Variants in SP110 observed in about 807,000 individuals in gnomAD.
SP110 encodes interferon-induced protein 41, 30kD.
A neutral mutation model predicts 92.7 loss-of-function variants in SP110; 62 were observed. That is an observed-to-expected ratio of 0.67 (90% confidence interval 0.55 to 0.83). The LOEUF (loss-of-function observed/expected upper bound fraction) is 0.83, where lower values mean the gene tolerates loss of function less well. Ranked by LOEUF, SP110 falls within the 40% of genes least tolerant of loss-of-function variation. The pLI, the probability that SP110 is intolerant of heterozygous loss-of-function variation, is 0.00. For missense variants in SP110, 793 were observed against 863.9 expected, an observed-to-expected ratio of 0.92 and a Z score of 1.03; for synonymous variants, 273 against 305.3, an observed-to-expected ratio of 0.89 and a Z score of 1.10.
At chr2:230,202,870 C>T (rs2043320123) in intron 8 of SP110, 142 bp from the exon 9 acceptor site, 4 of 786,256 alleles carry the variant, frequency 5.1e-6, no homozygotes, top group Non-Finnish European at 8.9e-6. Flanking sequence ...CTTTTCTCCT[C>T]CTACTTCTCT....
At chr2:230,225,571 T>G in exon 1 of SP110, 1 of 526,368 alleles carries the variant, frequency 1.9e-6, no homozygotes, top group Non-Finnish European at 3.4e-6. Flanking sequence ...TTGAATGACT[T>G]TTCCACCCTC....
At chr2:230,207,023 G>C (rs974563756) in intron 8 of SP110, among the ~76,000 whole-genome samples, 1 of 152,202 alleles carries the variant, frequency 6.6e-6, no homozygotes, top group East Asian at 1.9e-4. Flanking sequence ...ACATCTTTAG[G>C]TTGTAAAAGC....
chr2:230,185,881 G>T, intron 11 of SP110, 113 bp downstream of exon 11: 1 of 932,164 alleles, frequency 1.1e-6, no homozygotes, highest in Non-Finnish European at 1.8e-6. Flanking sequence ...CCTCTTTTCT[G>T]TACGTCTCCC....
upstream of SP110, among the ~76,000 whole-genome samples, chr2:230,224,148 G>A (rs1483503152): frequency 6.6e-6 from 1 of 152,220 alleles, no homozygotes; most frequent in African/African-American, 2.4e-5. Flanking sequence ...TCTAGTAGTA[G>A]CAGCAGTACC....
intron 8 of SP110, among the ~76,000 whole-genome samples, chr2:230,206,054 T>C (rs2043762869): frequency 6.6e-6 from 1 of 152,168 alleles, no homozygotes; most frequent in Admixed American, 6.5e-5. Flanking sequence ...TTTCTTAGAA[T>C]GGAATCATTT....
At chr2:230,195,388 G>A (rs1223234741) in intron 10 of SP110, among the ~76,000 whole-genome samples, 3 of 152,116 alleles carry the variant, frequency 2.0e-5, no homozygotes, top group African/African-American at 4.8e-5. Flanking sequence ...AGGCTGGAGT[G>A]CAGTGGCATA....
rs200056752 is a variant in SP110, at chr2:230,177,575, A to G, written c.1553T>C (p.Ile518Thr). The G allele has an allele frequency of 2.2e-5, 36 of 1,613,990 alleles. No homozygotes were observed. The highest frequency in any genetic ancestry group is 8.9e-5 in the East Asian group (4 of 44,900). Reference sequence around the variant, plus strand: ...TCCTAGGGTCATTCCTTCACAACGTATATTCCGTTTCCAGTTCTTTGCGTT... The same window carrying G: ...TCCTAGGGTCATTCCTTCACAACGTGTATTCCGTTTCCAGTTCTTTGCGTT... ...GRNAKNWKRNIRCEGMTLGEL... is the reference protein window; with the variant it reads ...GRNAKNWKRNTRCEGMTLGEL... Residue 518 changes from isoleucine (I) to threonine (T), a missense_variant, in exon 14 of 19, where the codon ATA (isoleucine) becomes ACA (threonine). Physicochemically the swap from Ile to Thr is moderately conservative, Grantham distance 89. Transcript: ENST00000258381.
chr2:230,171,623 C>T (rs796813279), intron 17 of SP110, 73 bp downstream of exon 17: 2 of 1,132,566 alleles, frequency 1.8e-6, no homozygotes, highest in East Asian at 2.3e-5. Context: ...GAGCAAACTG[C>T]AGCACCTGCC....
intron 14 of SP110, 127 bp from the exon 15 acceptor site, chr2:230,173,086 G>C (rs1417879585): frequency 5.7e-6 from 4 of 697,044 alleles, no homozygotes; most frequent in African/African-American, 1.8e-5. Context: ...TTTTTGATGG[G>C]GGGAGCTGAT....
chr2:230,188,509 A>G (rs1302414998), intron 10 of SP110, among the ~76,000 whole-genome samples: 1 of 152,066 alleles, frequency 6.6e-6, no homozygotes, highest in East Asian at 1.9e-4. Context: ...TCTGGCTAGG[A>G]CTTCTAGTAC....
chr2:230,166,042 C>T lies in SP110; in HGVS notation c.*3082G>A, dbSNP rs965863329. ...TTGAGTAGCTGGGACTACAGGCGCC[C>T]GCCACCACGCCTGGCTAATTTTTGT... On this transcript the variant is annotated 3_prime_UTR_variant, in exon 19 of 19. Transcript: ENST00000258381. 3.3e-5 allele frequency among the ~76,000 whole-genome samples: 5 copies of T among 151,712 alleles called. No homozygotes were observed. The South Asian group carries it at 6.2e-4, about 19-fold the overall frequency.
chr2:230,219,864 A>G lies in SP110; in HGVS notation c.-2+10T>C, dbSNP rs185211336. 1.3e-4 allele frequency: 124 copies of G among 970,570 alleles called. No homozygotes were observed. The African/African-American group carries it at 2.1e-3, about 16-fold the overall frequency. The allele number at this position is 970,570 out of a possible 1,614,324, so 60.1% of individuals were successfully genotyped here. On this transcript the variant is annotated intron_variant, in intron 1 of 18. Coordinates refer to ENST00000258381, the MANE Select transcript of SP110 (RefSeq NM_080424.4). ...GAGCGAAGAATAAAGCAGCAAAGAC[A>G]GAAACTCACCTGGACTTTGAGTTTG...
chr2:230,179,201 A>C (rs1185857555), intron 12 of SP110, among the ~76,000 whole-genome samples: 3 of 152,196 alleles, frequency 2.0e-5, no homozygotes, highest in Non-Finnish European at 4.4e-5. Flanking sequence ...GAAAGACACA[A>C]GGCAGATAGA....
intron 14 of SP110, chr2:230,176,697 T>G (rs1432133958): frequency 6.2e-7 from 1 of 1,613,894 alleles, no homozygotes; most frequent in Non-Finnish European, 8.5e-7. Context: ...TTGAGATTTA[T>G]TCTTGGAGGA....
upstream of SP110, chr2:230,220,217 C>T: frequency 3.8e-6 from 1 of 265,810 alleles, no homozygotes; most frequent in Non-Finnish European, 5.8e-6. Context: ...CATAAGGGTA[C>T]AGCCCCAGCG....
chr2:230,216,832 G>A lies in SP110; in HGVS notation c.96C>T (p.Pro32=). Residue 32 remains proline (P), a synonymous_variant, in exon 2 of 19, where the codon CCC becomes CCT. Coordinates refer to ENST00000258381, the MANE Select transcript of SP110 (RefSeq NM_080424.4). ...AGTTGTCTAGGAGGCCTTCAAAGAA[G>A]GGAAATGGCTTGTGTATGGCATAGG... ...GIAYAIHKPF[P]FFEGLLDNSI... The A allele has an allele frequency of 6.2e-7, 1 of 1,614,142 alleles. No individual in the cohort carries two copies. Among genetic ancestry groups the A allele is most frequent in the Non-Finnish European group, 8.5e-7 (1 of 1,179,996 alleles).
chr2:230,180,436 G>A (rs1308782484), intron 12 of SP110, among the ~76,000 whole-genome samples: 3 of 150,720 alleles, frequency 2.0e-5, no homozygotes, highest in East Asian at 2.0e-4. Context: ...ATGATTGGGG[G>A]TGGAGATGGG....
chr2:230,174,252 T>C (rs140338436), intron 14 of SP110: 5 of 152,366 alleles, frequency 3.3e-5, no homozygotes, highest in African/African-American at 7.2e-5. Flanking sequence ...TTATTGACCC[T>C]CTGAGTACTC....
rs775861638 is a variant in SP110 at position 230,200,878 on chromosome 2, G to T, written c.1129+7C>A. Reference sequence around the variant, plus strand: ...GTACTCTGAGACCAGCAATCTCCAAGTTTTACCTTGTGTGACCCTTCGTGG... The same window carrying T: ...GTACTCTGAGACCAGCAATCTCCAATTTTTACCTTGTGTGACCCTTCGTGG... On this transcript the variant is annotated splice_region_variant and intron_variant, in intron 10 of 18. Coordinates refer to ENST00000258381, the MANE Select transcript of SP110 (RefSeq NM_080424.4). 5 of 1,606,482 alleles carry T rather than the reference G, an allele frequency of 3.1e-6. No individual in the cohort carries two copies. Among genetic ancestry groups the T allele is most frequent in the East Asian group, 4.5e-5 (2 of 44,846 alleles).
Sources: gnomAD v4.1 joint callset for allele counts (sites outside exome capture counted in the v4.1 genomes callset) on GRCh38, gnomAD v4.1.1 for gene constraint, MANE v1.5 for transcripts, NCBI Gene and HGNC (gene_info 2026-07-23, HGNC 2026-07-21) for gene names.